Variants in DHX34 observed in about 807,000 individuals in gnomAD.
DHX34 encodes the protein probable ATP-dependent RNA helicase DHX34.
DHX34 carries 96 observed loss-of-function variants against 111.1 expected under a neutral mutation model. The observed-to-expected ratio is 0.86, with a 90% CI of 0.73 to 1.02. The LOEUF is 1.02. Ranked by LOEUF, DHX34 falls within the 50% of genes least tolerant of loss-of-function variation. DHX34 has a pLI of 0.00. For synonymous variants in DHX34, 688 were observed against 670.4 expected, an observed-to-expected ratio of 1.03 and a Z score of -0.41; for missense variants, 1,560 against 1,579.9, an observed-to-expected ratio of 0.99 and a Z score of 0.21.
chr19:47,377,337 G>A, intron 13 of DHX34, 131 bp downstream of exon 13: 5 of 930,094 alleles, frequency 5.4e-6, no homozygotes, highest in South Asian at 5.1e-5. Context: ...GTCAGCCTTG[G>A]GCCGTTGCTG....
intron 13 of DHX34, among the ~76,000 whole-genome samples, chr19:47,379,065 G>A (rs1970261897): frequency 6.6e-6 from 1 of 151,918 alleles, no homozygotes; most frequent in Admixed American, 6.6e-5. Flanking sequence ...GGAGGTGGAG[G>A]TTGCAGTGAG....
In DHX34 at chr19:47,382,182, C is replaced by A; in HGVS notation, c.*69C>A. ...CTCCAGCCCAGGACTAGGGGCAGGA[C>A]TCTTGCCTGAACCCCCAGCCTGGGC... On this transcript the variant is annotated 3_prime_UTR_variant, in exon 17 of 17. Transcript: ENST00000328771. The A allele has an allele frequency of 1.3e-6, 2 of 1,579,492 alleles. No homozygotes were observed. The highest frequency in any genetic ancestry group is 1.1e-5 in the South Asian group (1 of 87,634).
At chr19:47,373,848 TG>T in intron 9 of DHX34, 148 bp downstream of exon 9, 1 of 1,042,704 alleles carries the variant, frequency 9.6e-7, no homozygotes, top group Non-Finnish European at 1.4e-6. Context: ...GACCAGGTGT[TG>T]GGGCAGCTGG....
intron 9 of DHX34, 123 bp from the exon 10 acceptor site, chr19:47,375,343 A>T (rs1281308507): frequency 7.0e-7 from 1 of 1,425,156 alleles, no homozygotes; most frequent in Non-Finnish European, 9.1e-7. Context: ...GCACCATGCG[A>T]GGGGCTGTTT....
intron 1 of DHX34, among the ~76,000 whole-genome samples, chr19:47,351,171 C>CTTTTTTTT (rs955543104): frequency 7.2e-4 from 67 of 93,092 alleles, no homozygotes; most frequent in South Asian, 1.2e-3. Context: ...TTTTCTTTTT[C>CTTTTTTTT]TTTTTTTTTT....
At chr19:47,381,364 G>C in intron 16 of DHX34, 40 bp downstream of exon 16, 1 of 1,590,574 alleles carries the variant, frequency 6.3e-7, no homozygotes, top group Non-Finnish European at 8.6e-7. Context: ...CCTCTGCCCA[G>C]CCGTCTGCCC....
intron 6 of DHX34, among the ~76,000 whole-genome samples, chr19:47,365,888 A>G (rs1275300156): frequency 4.6e-5 from 7 of 151,464 alleles, no homozygotes; most frequent in Non-Finnish European, 2.9e-5. Flanking sequence ...TTTTGGTTGT[A>G]AGTGAGAGAA....
intron 13 of DHX34, 27 bp downstream of exon 13, chr19:47,377,233 A>G (rs767787110): frequency 1.9e-6 from 3 of 1,597,384 alleles, no homozygotes; most frequent in South Asian, 2.2e-5. Flanking sequence ...CCCCGCCCCC[A>G]TGCCCAGATA....
rs2122348032 is a variant in DHX34, at chr19:47,376,224, C to T, written c.2481+127C>T. 3.5e-6 allele frequency: 5 copies of T among 1,440,010 alleles called. No homozygotes were observed. The South Asian group carries it at 4.3e-5, about 12-fold the overall frequency. 89.2% of individuals were successfully genotyped at this position (1,440,010 alleles called of 1,614,324 possible). A position where few individuals can be genotyped will look rare whatever the true frequency, so the allele number is the denominator to read the frequency against. Reference sequence around the variant, plus strand: ...TTCTGTCCCCATGGGGCTCACAACCCAGTGGGAGGACAGACCCATCCCCAG... The same window carrying T: ...TTCTGTCCCCATGGGGCTCACAACCTAGTGGGAGGACAGACCCATCCCCAG... On this transcript the variant is annotated intron_variant, in intron 11 of 16. Transcript: ENST00000328771.
At chr19:47,379,044 G>A (rs1970261135) in intron 13 of DHX34, among the ~76,000 whole-genome samples, 2 of 151,994 alleles carry the variant, frequency 1.3e-5, no homozygotes, top group African/African-American at 2.4e-5. Flanking sequence ...CAGGAAAATC[G>A]CTTGAACCTG....
chr19:47,378,987 G>A (rs1360963683), intron 13 of DHX34, among the ~76,000 whole-genome samples: 9 of 151,660 alleles, frequency 5.9e-5, no homozygotes, highest in East Asian at 1.9e-4. Context: ...AAAATTAGCC[G>A]GGTGGGTGGC....
At chr19:47,365,386 G>C (rs1325385915) in intron 6 of DHX34, among the ~76,000 whole-genome samples, 1 of 151,782 alleles carries the variant, frequency 6.6e-6, no homozygotes, top group Non-Finnish European at 1.5e-5. Flanking sequence ...CGAGTAGCTG[G>C]GACCACAGAT....
chr19:47,360,627 C>T (rs1969601066), intron 5 of DHX34, among the ~76,000 whole-genome samples: 1 of 152,138 alleles, frequency 6.6e-6, no homozygotes, highest in Non-Finnish European at 1.5e-5. Context: ...ATCCCCTCCT[C>T]CATCCGCTGT....
chr19:47,378,644 A>G (rs1970246397), intron 13 of DHX34, among the ~76,000 whole-genome samples: 1 of 152,030 alleles, frequency 6.6e-6, no homozygotes, highest in Non-Finnish European at 1.5e-5. Context: ...AGCCTGGGCA[A>G]CATAGGGAGA....
chr19:47,358,211 G>A, intron 4 of DHX34, 91 bp downstream of exon 4: 1 of 1,494,270 alleles, frequency 6.7e-7, no homozygotes, highest in Non-Finnish European at 8.9e-7. Flanking sequence ...ACAAACACAG[G>A]GCTCGGGGGC....
At chr19:47,373,271 G>A (rs1450185687) in intron 8 of DHX34, among the ~76,000 whole-genome samples, 1 of 152,216 alleles carries the variant, frequency 6.6e-6, no homozygotes, top group Non-Finnish European at 1.5e-5. Context: ...AGTGCTGGGG[G>A]CCCATCAGTG....
intron 14 of DHX34, 120 bp downstream of exon 14, chr19:47,380,105 C>T (rs941846849): frequency 1.3e-5 from 19 of 1,427,938 alleles, no homozygotes; most frequent in Non-Finnish European, 1.8e-5. Context: ...TGGGGGTTTT[C>T]AGGCCACAGA....
At chr19:47,381,141 G>T (rs1231962354) in intron 15 of DHX34, 45 bp from the exon 16 acceptor site, 1 of 1,606,888 alleles carries the variant, frequency 6.2e-7, no homozygotes, top group African/African-American at 1.3e-5. Context: ...TGGGTGGTGG[G>T]TGGCACTTGG....
Position 47,351,746 on chromosome 19 carries a change from T to A in DHX34, c.-277-1008T>A, listed in dbSNP as rs144385672. ...CCTGATTGGCCCTTCTTGGATCATG[T>A]GTCCGCTTCTCAGGCCAATCCTTGG... On this transcript the variant is annotated intron_variant, in intron 1 of 16. Coordinates refer to ENST00000328771, the MANE Select transcript of DHX34 (RefSeq NM_014681.6). Among the ~76,000 whole-genome samples, 541 of 152,312 alleles carry A rather than the reference T, an allele frequency of 3.6e-3. 4 individuals are homozygous for A. The highest frequency in any genetic ancestry group is 0.012 in the African/African-American group (518 of 41,564).
Sources: allele counts gnomAD v4.1 joint callset (sites outside exome capture counted in the v4.1 genomes callset), GRCh38; gene constraint gnomAD v4.1.1; transcripts MANE v1.5; gene names NCBI Gene and HGNC (gene_info 2026-07-23, HGNC 2026-07-21).